The following FRMD5 variants were observed in gnomAD, a reference collection of about 807,000 sequenced individuals.
FRMD5 encodes the protein FERM domain containing 5.
A neutral mutation model predicts 69.0 loss-of-function variants in FRMD5; 20 were observed. The ratio of observed to expected loss-of-function variants is 0.29; its 90% CI spans 0.20 to 0.42. The LOEUF is 0.42. Ranked by LOEUF, FRMD5 falls within the 10% of genes least tolerant of loss-of-function variation. FRMD5 has a pLI of 1.00. For synonymous variants in FRMD5, 271 were observed against 260.1 expected, an observed-to-expected ratio of 1.04 and a Z score of -0.40; for missense variants, 595 against 708.6, an observed-to-expected ratio of 0.84 and a Z score of 1.82.
chr15:44,085,876 A>G (rs1367568867), intron 1 of FRMD5, among the ~76,000 whole-genome samples: 1 of 152,156 alleles, frequency 6.6e-6, no homozygotes, highest in Non-Finnish European at 1.5e-5. Context: ...ATTATCCTCT[A>G]TCTTATCAAT....
chr15:43,904,954 TG>T (rs901236183), intron 6 of FRMD5, among the ~76,000 whole-genome samples: 1 of 150,966 alleles, frequency 6.6e-6, no homozygotes. Flanking sequence ...AGGTAGGGTA[TG>T]GGGGGGGCCT....
intron 1 of FRMD5, among the ~76,000 whole-genome samples, chr15:43,944,257 G>A (rs752473716): frequency 6.6e-6 from 1 of 152,236 alleles, no homozygotes; most frequent in Non-Finnish European, 1.5e-5. Context: ...TCATGGGGCA[G>A]AGTGGGCTAA....
At chr15:43,983,785 C>T (rs1219107780) in intron 1 of FRMD5, among the ~76,000 whole-genome samples, 1 of 152,216 alleles carries the variant, frequency 6.6e-6, no homozygotes, top group Non-Finnish European at 1.5e-5. Flanking sequence ...CCCCCATCCA[C>T]CGTCTCCACC....
chr15:44,165,853 T>G (rs2077700563), intron 1 of FRMD5, among the ~76,000 whole-genome samples: 1 of 152,014 alleles, frequency 6.6e-6, no homozygotes, highest in Non-Finnish European at 1.5e-5. Flanking sequence ...ATAAAATAAA[T>G]CTATCAAATT....
At chr15:44,117,099 C>T (rs1338240272) in intron 1 of FRMD5, among the ~76,000 whole-genome samples, 3 of 149,088 alleles carry the variant, frequency 2.0e-5, no homozygotes, top group Non-Finnish European at 1.5e-5. Flanking sequence ...AACAAGACTC[C>T]GTCTTAAAAA....
chr15:43,889,967 C>T (rs538721500), intron 8 of FRMD5, among the ~76,000 whole-genome samples: 16 of 152,326 alleles, frequency 1.1e-4, no homozygotes, highest in South Asian at 4.1e-4. Context: ...ACCCAACTTA[C>T]TGCTGGAAAA....
intron 1 of FRMD5, among the ~76,000 whole-genome samples, chr15:43,998,098 A>T (rs1205417948): frequency 6.6e-6 from 1 of 152,216 alleles, no homozygotes; most frequent in Non-Finnish European, 1.5e-5. Context: ...TCAATGTGGA[A>T]CTAAGGTATT....
At chr15:44,142,696 AAAAG>A (rs2077291596) in intron 1 of FRMD5, among the ~76,000 whole-genome samples, 1 of 152,218 alleles carries the variant, frequency 6.6e-6, no homozygotes, top group African/African-American at 2.4e-5. Flanking sequence ...TGATAAATGT[AAAAG>A]GATAATAGAG....
At chr15:44,149,386 A>C (rs945509279) in intron 1 of FRMD5, among the ~76,000 whole-genome samples, 1 of 152,094 alleles carries the variant, frequency 6.6e-6, no homozygotes, top group Non-Finnish European at 1.5e-5. Flanking sequence ...TATATATAGA[A>C]AACAAACAAC....
At chr15:44,077,268 T>C (rs901182778) in intron 1 of FRMD5, among the ~76,000 whole-genome samples, 1 of 152,150 alleles carries the variant, frequency 6.6e-6, no homozygotes, top group Admixed American at 6.6e-5. Context: ...ACTATTATTT[T>C]TCCTTTTCTT....
rs2089474965 is a variant in FRMD5 at position 43,920,459 on chromosome 15, G to C, written c.208-650C>G. On this transcript the variant is annotated intron_variant, in intron 2 of 13. Transcript: ENST00000417257. ...CTAACCACAACCAACGTGTAGGATA[G>C]TACCTTCTTCCCCTTGGATTTTTCA... Among the ~76,000 whole-genome samples, 4 of 152,298 alleles carry C rather than the reference G, an allele frequency of 2.6e-5. No individual in the cohort carries two copies. In the South Asian group the frequency reaches 6.2e-4, roughly 24 times the overall value.
At chr15:44,065,844 A>G (rs1893287255) in intron 1 of FRMD5, among the ~76,000 whole-genome samples, 2 of 152,336 alleles carry the variant, frequency 1.3e-5, no homozygotes, top group Non-Finnish European at 2.9e-5. Context: ...CATAATTGGG[A>G]GATGAACATG....
chr15:44,009,678 G>GA (rs998598600), intron 1 of FRMD5, among the ~76,000 whole-genome samples: 55 of 151,048 alleles, frequency 3.6e-4, no homozygotes, highest in African/African-American at 1.2e-3. Flanking sequence ...GACTGTGTTT[G>GA]AAAAAAAAAT....
At chr15:43,891,886 A>G in intron 8 of FRMD5, 95 bp downstream of exon 8, 1 of 999,954 alleles carries the variant, frequency 1.0e-6, no homozygotes, top group South Asian at 1.3e-5. Flanking sequence ...GCTCTGAACC[A>G]GAACTGCCCA....
At chr15:44,179,263 T>C (rs892540743) in intron 1 of FRMD5, among the ~76,000 whole-genome samples, 2 of 152,204 alleles carry the variant, frequency 1.3e-5, no homozygotes, top group African/African-American at 4.8e-5. Flanking sequence ...AGATCATTTA[T>C]AAGACTTTGA....
intron 1 of FRMD5, among the ~76,000 whole-genome samples, chr15:44,193,988 A>G (rs1424252677): frequency 6.6e-6 from 1 of 152,188 alleles, no homozygotes; most frequent in Non-Finnish European, 1.5e-5. Context: ...TTCTCCACAA[A>G]GAGCAGCTTC....
At chr15:43,945,470 T>C (rs1042510733) in intron 1 of FRMD5, among the ~76,000 whole-genome samples, 1 of 152,264 alleles carries the variant, frequency 6.6e-6, no homozygotes, top group African/African-American at 2.4e-5. Flanking sequence ...CTGAGGACAT[T>C]TCAATCTTTT....
chr15:43,968,586 T>C (rs911221760), intron 1 of FRMD5, among the ~76,000 whole-genome samples: 3 of 152,228 alleles, frequency 2.0e-5, no homozygotes, highest in Non-Finnish European at 2.9e-5. Context: ...TAATTGTACA[T>C]AAGGTGCTTG....
chr15:44,081,712 T>C (rs754099450), intron 1 of FRMD5, among the ~76,000 whole-genome samples: 180 of 152,222 alleles, frequency 1.2e-3, no homozygotes, highest in Admixed American at 2.4e-3. Flanking sequence ...ACTGACATTT[T>C]GTCTGCATTT....
Sources: allele counts gnomAD v4.1 joint callset (sites outside exome capture counted in the v4.1 genomes callset), GRCh38; gene constraint gnomAD v4.1.1; transcripts MANE v1.5; gene names NCBI Gene and HGNC (gene_info 2026-07-23, HGNC 2026-07-21).